Variants in HIPK3 observed in about 807,000 individuals in gnomAD.
The protein encoded by HIPK3 is homeodomain interacting protein kinase 3.
Under a neutral mutation model 124.2 loss-of-function variants are expected in HIPK3, and 47 were observed. That is an observed-to-expected ratio of 0.38 (90% CI 0.30 to 0.48). The LOEUF (loss-of-function observed/expected upper bound fraction) is 0.48. Ranked by LOEUF, HIPK3 falls within the 20% of genes least tolerant of loss-of-function variation. The pLI is 0.98. For synonymous variants in HIPK3, 482 were observed against 515.2 expected (o/e 0.94, Z 0.87); for missense variants, 1,286 against 1,454.3 (o/e 0.88, Z 1.88).
intron 8 of HIPK3, among the ~76,000 whole-genome samples, chr11:33,343,287 G>A (rs12272087): frequency 7.0e-6 from 1 of 142,386 alleles, no homozygotes; most frequent in Non-Finnish European, 1.6e-5. Context: ...GTGTGTGTGT[G>A]TGTCTTTTTT....
At chr11:33,262,696 T>C (rs1850855820) in intron 1 of HIPK3, among the ~76,000 whole-genome samples, 1 of 152,252 alleles carries the variant, frequency 6.6e-6, no homozygotes, top group African/African-American at 2.4e-5. Flanking sequence ...AGAAAGTCCT[T>C]GAAATGGAGC....
At chr11:33,300,684 C>T (rs980290184) in intron 2 of HIPK3, among the ~76,000 whole-genome samples, 4 of 152,112 alleles carry the variant, frequency 2.6e-5, no homozygotes, top group Non-Finnish European at 5.9e-5. Flanking sequence ...CCTGCAATAT[C>T]TCTGAGGTAT....
At chr11:33,307,692 C>A (rs1422837300) in intron 2 of HIPK3, among the ~76,000 whole-genome samples, 1 of 151,894 alleles carries the variant, frequency 6.6e-6, no homozygotes, top group Non-Finnish European at 1.5e-5. Context: ...AGGCGTGAAC[C>A]ACCGTGCCTG....
At chr11:33,342,499 AAGCGGAATG>A (rs1231005123) in intron 8 of HIPK3, among the ~76,000 whole-genome samples, 2 of 152,000 alleles carry the variant, frequency 1.3e-5, no homozygotes. Context: ...TTAAATCCTC[AAGCGGAATG>A]GGTGACAGAA....
In HIPK3 at chr11:33,356,885, T is replaced by C. The variant is rs1853832079; in HGVS notation, c.*3317T>C. ...AGTATTTCTCTCTAGTTCTCAGTGATTTAAATGTGACCAAGCCTTCTGTAC... is the reference window on the plus strand; with the variant it reads ...AGTATTTCTCTCTAGTTCTCAGTGACTTAAATGTGACCAAGCCTTCTGTAC... On this transcript the variant is annotated 3_prime_UTR_variant, in exon 17 of 17. Coordinates refer to ENST00000303296, the MANE Select transcript of HIPK3 (RefSeq NM_005734.5). The C allele has an allele frequency of 6.6e-6, 1 of 152,160 alleles. No individual in the cohort carries two copies. Among genetic ancestry groups the C allele is most frequent in the Admixed American group, 6.5e-5 (1 of 15,278 alleles). The allele number at this position is 152,160 out of a possible 1,614,324, so 9.4% of individuals were successfully genotyped here.
In HIPK3 at chr11:33,338,787, A is replaced by T. The variant is rs777249846; in HGVS notation, c.1372A>T (p.Met458Leu). The T allele has an allele frequency of 1.9e-6, 3 of 1,612,420 alleles. No homozygotes were observed. The highest frequency in any genetic ancestry group is 2.5e-6 in the Non-Finnish European group (3 of 1,178,834). Reference sequence around the variant, plus strand: ...GGAAGAGCATGAGGCAGAGACAGGAATGAAGTCTAAAGAAGCCAGAAAATA... The same window carrying T: ...GGAAGAGCATGAGGCAGAGACAGGATTGAAGTCTAAAGAAGCCAGAAAATA... ...TLEEHEAETG[M>L]KSKEARKYIF... The change falls in exon 5 of 17, where the codon ATG (methionine) becomes TTG (leucine). Residue 458 changes from methionine (M) to leucine (L), a missense_variant. This residue lies in a region of HIPK3 where 251 missense variants were observed against 349.1 expected (regional missense o/e 0.72). Coordinates refer to ENST00000303296, the MANE Select transcript of HIPK3 (RefSeq NM_005734.5).
At chr11:33,290,258 A>G (rs1851663771) in intron 2 of HIPK3, among the ~76,000 whole-genome samples, 1 of 152,190 alleles carries the variant, frequency 6.6e-6, no homozygotes, top group African/African-American at 2.4e-5. Context: ...TTGCTGTTGC[A>G]GGGTAGTAGC....
In HIPK3 at chr11:33,352,235, A is replaced by G. The variant is rs777294005; in HGVS notation, c.3141A>G (p.Ala1047=). The change falls in exon 16 of 17, where the codon GCA becomes GCG. Residue 1047 remains alanine (A), a synonymous_variant. Coordinates refer to ENST00000303296, the MANE Select transcript of HIPK3 (RefSeq NM_005734.5). ...CTCGTCAGCAAAAATTGACATCAGC[A>G]TTCCAGCAGCAGCATTTGAACTTCA... The part of the protein sequence containing the change: ...VGTRQQKLTS[A]FQQQHLNFSQ... 1 of 1,614,088 alleles carries G rather than the reference A, an allele frequency of 6.2e-7. No homozygotes were observed. The highest frequency in any genetic ancestry group is 8.5e-7 in the Non-Finnish European group (1 of 1,179,964).
At chr11:33,345,784 A>G (rs1384436646) in intron 8 of HIPK3, among the ~76,000 whole-genome samples, 1 of 152,144 alleles carries the variant, frequency 6.6e-6, no homozygotes, top group Admixed American at 6.5e-5. Context: ...TAGGTGGAGC[A>G]CAGAGAGTAG....
In HIPK3 at chr11:33,325,354, A is replaced by G. The variant is rs143748568; in HGVS notation, c.1098-3156A>G. Reference sequence around the variant, plus strand: ...CACCGAAAAATTTCAAATCCTATGAAGAATTTTCCATATTAAATATTTCAA... The same window carrying G: ...CACCGAAAAATTTCAAATCCTATGAGGAATTTTCCATATTAAATATTTCAA... On this transcript the variant is annotated intron_variant, in intron 2 of 16. Coordinates refer to ENST00000303296, the MANE Select transcript of HIPK3 (RefSeq NM_005734.5). Among the ~76,000 whole-genome samples, 1,339 of 152,338 alleles carry G rather than the reference A, an allele frequency of 8.8e-3. 19 individuals are homozygous for G. The highest frequency in any genetic ancestry group is 0.03 in the African/African-American group (1,252 of 41,576).
chr11:33,324,389 G>T (rs988914398), intron 2 of HIPK3, among the ~76,000 whole-genome samples: 1 of 152,142 alleles, frequency 6.6e-6, no homozygotes, highest in Admixed American at 6.5e-5. Context: ...GGCATGCTAC[G>T]GTTAACTGGG....
intron 13 of HIPK3, 152 bp downstream of exon 13, chr11:33,348,970 A>C (rs1003381091): frequency 1.3e-5 from 12 of 931,108 alleles, no homozygotes; most frequent in Non-Finnish European, 1.9e-5. Flanking sequence ...GGAACTTTCT[A>C]AATAACATTT....
At chr11:33,258,123 GCGCCA>G (rs767986924) in intron 1 of HIPK3, among the ~76,000 whole-genome samples, 1 of 152,066 alleles carries the variant, frequency 6.6e-6, no homozygotes, top group Non-Finnish European at 1.5e-5. Flanking sequence ...CTCGAAGCCG[GCGCCA>G]CGCCAGGCCC....
chr11:33,275,658 C>T (rs753934848), intron 1 of HIPK3, among the ~76,000 whole-genome samples: 7 of 152,136 alleles, frequency 4.6e-5, no homozygotes, highest in African/African-American at 1.2e-4. Context: ...CATAGACTGG[C>T]ACTATGGTTC....
chr11:33,281,058 C>CTTTTTTTTTTTTTTTTTTTT (rs56902582), intron 1 of HIPK3, among the ~76,000 whole-genome samples: 1 of 111,808 alleles, frequency 8.9e-6, no homozygotes, highest in Non-Finnish European at 1.7e-5. Flanking sequence ...ACTTATTTGA[C>CTTTTTTTTTTTTTTTTTTTT]TTTTTTTTTT....
rs1422458794 is a variant in HIPK3, at chr11:33,286,830, G to A, written c.416G>A (p.Ser139Asn). The A allele has an allele frequency of 6.2e-7, 1 of 1,614,154 alleles. No homozygotes were observed. Among genetic ancestry groups the A allele is most frequent in the Non-Finnish European group, 8.5e-7 (1 of 1,180,038 alleles). ...AGTGAGGAGTTGGATAATCATAGCA[G>A]CGCAATGCAGATTGTCGATGAATTG... The part of the protein sequence containing the change: ...RKSEELDNHS[S>N]AMQIVDELSI... Residue 139 changes from serine (S) to asparagine (N), a missense_variant, in exon 2 of 17, where the codon AGC (serine) becomes AAC (asparagine). By Grantham distance (46) the Ser-to-Asn change is conservative. This residue lies in a region of HIPK3 where 225 missense variants were observed against 240.3 expected (regional missense o/e 0.94). Transcript: ENST00000303296.
At position 33,283,840 on chromosome 11, in the gene HIPK3, G is replaced by C. The variant is rs1052263812; in HGVS notation, c.-2-2573G>C. Among the ~76,000 whole-genome samples, 5 of 151,882 alleles carry C rather than the reference G, an allele frequency of 3.3e-5. No homozygotes were observed. In the East Asian group the frequency reaches 5.8e-4, roughly 18 times the overall value. ...TAGGTGTGCACCACCACACCTGGCT[G>C]ATTTTTGTATTTTTAGTAGAGAAGG... On this transcript the variant is annotated intron_variant, in intron 1 of 16. Transcript: ENST00000303296.
intron 1 of HIPK3, among the ~76,000 whole-genome samples, chr11:33,283,418 G>A (rs552248240): frequency 1.3e-5 from 2 of 151,916 alleles, no homozygotes; most frequent in Non-Finnish European, 2.9e-5. Context: ...CGGAACTCCG[G>A]AATTTCAATT....
intron 2 of HIPK3, among the ~76,000 whole-genome samples, chr11:33,294,411 C>G (rs1227129749): frequency 5.9e-5 from 9 of 152,098 alleles, no homozygotes; most frequent in African/African-American, 2.2e-4. Flanking sequence ...TACACACCCA[C>G]ACACCCACCC....
Sources: allele counts gnomAD v4.1 joint callset (sites outside exome capture counted in the v4.1 genomes callset), GRCh38; gene constraint gnomAD v4.1.1; regional missense constraint gnomAD v4.1.1; transcripts MANE v1.5; gene names NCBI Gene and HGNC (gene_info 2026-07-23, HGNC 2026-07-21).